Variants in RGS7BP observed in about 807,000 individuals in gnomAD.
RGS7BP encodes the protein regulator of G protein signaling 7-binding protein.
A neutral mutation model predicts 31.3 loss-of-function variants in RGS7BP; 9 were observed. The observed-to-expected ratio is 0.29, with a 90% CI of 0.17 to 0.50. RGS7BP has a LOEUF of 0.50. RGS7BP is among the 20% of genes least tolerant of loss of function. The pLI, the probability that RGS7BP is intolerant of heterozygous loss-of-function variation, is 0.98. For missense variants in RGS7BP, 274 were observed against 322.0 expected, an observed-to-expected ratio of 0.85 and a Z score of 1.14; for synonymous variants, 115 against 120.1, an observed-to-expected ratio of 0.96 and a Z score of 0.28.
intron 5 of RGS7BP, among the ~76,000 whole-genome samples, chr5:64,600,916 G>A (rs916534897): frequency 6.6e-6 from 1 of 152,148 alleles, no homozygotes; most frequent in Non-Finnish European, 1.5e-5. Context: ...GATGCATATG[G>A]CACCATTTTA....
At chr5:64,556,460 C>CAA (rs1438872921) in intron 2 of RGS7BP, among the ~76,000 whole-genome samples, 1 of 130,406 alleles carries the variant, frequency 7.7e-6, no homozygotes, top group Non-Finnish European at 1.6e-5. Flanking sequence ...CACACACACA[C>CAA]AAAATTGGCT....
At chr5:64,559,020 T>C (rs992869713) in intron 2 of RGS7BP, among the ~76,000 whole-genome samples, 9 of 152,208 alleles carry the variant, frequency 5.9e-5, no homozygotes, top group South Asian at 2.1e-4. Context: ...ACTTCATTAG[T>C]AATTCTAGTT....
In RGS7BP at chr5:64,575,698, T is replaced by A. The variant is rs551623224; in HGVS notation, c.333-76T>A. The A allele has an allele frequency of 1.1e-5, 16 of 1,514,208 alleles. No homozygotes were observed. In the South Asian group the frequency reaches 2.0e-4, roughly 19 times the overall value. 93.8% of individuals were successfully genotyped at this position (1,514,208 alleles called of 1,614,324 possible). The stretch of plus-strand genomic sequence containing the variant: ...GGAATCTTTATTGAGCATTTTTCCC[T>A]CTCGGAGCTGAGACAAATGGCTGAT... On this transcript the variant is annotated intron_variant, in intron 2 of 5. Transcript: ENST00000334025.
At chr5:64,594,893 C>T (rs776574575) in intron 4 of RGS7BP, 36 bp downstream of exon 4, 1 of 1,605,840 alleles carries the variant, frequency 6.2e-7, no homozygotes, top group Non-Finnish European at 8.5e-7. Flanking sequence ...ACTGCCAATC[C>T]TCCTCCCGTT....
At chr5:64,554,286 T>C (rs557887368) in intron 2 of RGS7BP, among the ~76,000 whole-genome samples, 2 of 152,310 alleles carry the variant, frequency 1.3e-5, no homozygotes, top group African/African-American at 4.8e-5. Context: ...TATACAACTG[T>C]TTCTCCTTTC....
At chr5:64,561,748 CT>C (rs1462425483) in intron 2 of RGS7BP, among the ~76,000 whole-genome samples, 1 of 152,168 alleles carries the variant, frequency 6.6e-6, no homozygotes, top group Admixed American at 6.5e-5. Context: ...ACTAAATGAT[CT>C]TACATAATTT....
At chr5:64,546,664 G>A (rs1486126051) in intron 2 of RGS7BP, among the ~76,000 whole-genome samples, 1 of 115,892 alleles carries the variant, frequency 8.6e-6, no homozygotes, top group African/African-American at 3.6e-5. Context: ...TACTGAGAAG[G>A]GACACAGATT....
intron 2 of RGS7BP, among the ~76,000 whole-genome samples, chr5:64,554,958 G>A (rs28707199): frequency 0.069 from 10,458 of 151,748 alleles, 974 homozygotes; most frequent in African/African-American, 0.21. Context: ...GCTAAAAAAG[G>A]TAAACTGGAA....
chr5:64,544,614 C>T (rs1026907279), intron 2 of RGS7BP, among the ~76,000 whole-genome samples: 2 of 151,608 alleles, frequency 1.3e-5, no homozygotes, highest in Admixed American at 6.6e-5. Context: ...TTCAAGGTTG[C>T]AGTAAGTTTT....
chr5:64,554,358 C>T (rs540716796), intron 2 of RGS7BP, among the ~76,000 whole-genome samples: 1 of 152,310 alleles, frequency 6.6e-6, no homozygotes, highest in African/African-American at 2.4e-5. Flanking sequence ...CAGCCAACCT[C>T]AAATTCCTTG....
chr5:64,603,658 G>T (rs1024968983), intron 5 of RGS7BP, among the ~76,000 whole-genome samples: 2 of 152,182 alleles, frequency 1.3e-5, no homozygotes, highest in Non-Finnish European at 2.9e-5. Flanking sequence ...GTGTCCACAG[G>T]ATTTAACAAC....
intron 2 of RGS7BP, among the ~76,000 whole-genome samples, chr5:64,549,934 C>A (rs1264404984): frequency 6.6e-6 from 1 of 152,190 alleles, no homozygotes; most frequent in Non-Finnish European, 1.5e-5. Context: ...GCTAAATACC[C>A]AATGTCATCG....
intron 2 of RGS7BP, among the ~76,000 whole-genome samples, chr5:64,534,828 C>G (rs1251964706): frequency 6.6e-6 from 1 of 152,180 alleles, no homozygotes; most frequent in Non-Finnish European, 1.5e-5. Flanking sequence ...GTATTTAAAA[C>G]TTTCGGACTG....
intron 2 of RGS7BP, among the ~76,000 whole-genome samples, chr5:64,510,026 G>A (rs1341339171): frequency 1.3e-5 from 2 of 152,188 alleles, no homozygotes; most frequent in Non-Finnish European, 2.9e-5. Context: ...CATTTGTTAT[G>A]TGGGTTCTTG....
At chr5:64,519,138 G>C (rs1749044819) in intron 2 of RGS7BP, among the ~76,000 whole-genome samples, 1 of 152,178 alleles carries the variant, frequency 6.6e-6, no homozygotes, top group Non-Finnish European at 1.5e-5. Context: ...AGCAAGACTG[G>C]GGAGACCGGA....
chr5:64,592,949 ACT>A (rs1193466876), intron 3 of RGS7BP, among the ~76,000 whole-genome samples: 1 of 152,120 alleles, frequency 6.6e-6, no homozygotes, highest in African/African-American at 2.4e-5. Context: ...CACTTGCCAC[ACT>A]CTGCCAAGAG....
chr5:64,557,673 C>T (rs1206544201), intron 2 of RGS7BP, among the ~76,000 whole-genome samples: 1 of 152,122 alleles, frequency 6.6e-6, no homozygotes, highest in South Asian at 2.1e-4. Flanking sequence ...ATGAACACCA[C>T]TGTAAGTGAT....
chr5:64,564,864 T>G (rs1742133383), intron 2 of RGS7BP, among the ~76,000 whole-genome samples: 2 of 152,004 alleles, frequency 1.3e-5, no homozygotes, highest in South Asian at 2.1e-4. Flanking sequence ...GGGTGGCTAT[T>G]CCTCAGAAAC....
intron 2 of RGS7BP, among the ~76,000 whole-genome samples, chr5:64,541,135 C>T (rs917896770): frequency 2.0e-5 from 3 of 152,228 alleles, no homozygotes; most frequent in South Asian, 2.1e-4. Context: ...CTGCTGGTGA[C>T]GGCCCCAGGA....
Sources: allele counts gnomAD v4.1 joint callset (sites outside exome capture counted in the v4.1 genomes callset), GRCh38; gene constraint gnomAD v4.1.1; transcripts MANE v1.5; gene names NCBI Gene and HGNC (gene_info 2026-07-23, HGNC 2026-07-21).